The following LINGO2 variants were observed in gnomAD, a reference collection of about 807,000 sequenced individuals.
LINGO2 encodes leucine rich repeat and Ig domain containing 2.
Under a neutral mutation model 30.6 loss-of-function variants are expected in LINGO2, and 14 were observed. The observed-to-expected ratio is 0.46, with a 90% CI of 0.30 to 0.72. LINGO2 has a LOEUF of 0.72. LINGO2 is among the 30% of genes least tolerant of loss of function. The pLI, the probability that LINGO2 is intolerant of heterozygous loss-of-function variation, is 0.07. For missense variants in LINGO2, 729 were observed against 751.7 expected (o/e 0.97, Z 0.35); for synonymous variants, 317 against 288.5 (o/e 1.10, Z -1.00).
chr9:29,177,533 G>A, the LINGO2 span, among the ~76,000 whole-genome samples: 1 of 151,878 alleles, frequency 6.6e-6, no homozygotes, highest in East Asian at 1.9e-4. Flanking sequence ...ACAATCTTCA[G>A]GAACCCAGAA....
At chr9:28,162,096 A>C (rs1828303286) in intron 4 of LINGO2, among the ~76,000 whole-genome samples, 1 of 152,142 alleles carries the variant, frequency 6.6e-6, no homozygotes, top group Non-Finnish European at 1.5e-5. Flanking sequence ...TTTCCATGAT[A>C]TATCCATATA....
the LINGO2 span, among the ~76,000 whole-genome samples, chr9:28,954,020 T>C: frequency 4.2e-4 from 64 of 152,252 alleles, no homozygotes; most frequent in Admixed American, 3.6e-3. Flanking sequence ...GCTAATCTTA[T>C]CCGAATAATT....
At chr9:28,738,500 A>G in the LINGO2 span, among the ~76,000 whole-genome samples, 1 of 152,120 alleles carries the variant, frequency 6.6e-6, no homozygotes, top group Non-Finnish European at 1.5e-5. Flanking sequence ...TGATGCTTTC[A>G]AGCATTCAGA....
chr9:29,195,257 C>A, the LINGO2 span, among the ~76,000 whole-genome samples: 1 of 152,022 alleles, frequency 6.6e-6, no homozygotes, highest in Non-Finnish European at 1.5e-5. Context: ...GTCTGTTTAA[C>A]CAGTCACCTA....
At chr9:29,171,711 A>G in the LINGO2 span, among the ~76,000 whole-genome samples, 1 of 151,952 alleles carries the variant, frequency 6.6e-6, no homozygotes, top group East Asian at 1.9e-4. Flanking sequence ...GCGGAAAAAT[A>G]TTCCACATAT....
chr9:28,677,822 C>G, the LINGO2 span, among the ~76,000 whole-genome samples: 1 of 152,008 alleles, frequency 6.6e-6, no homozygotes, highest in Non-Finnish European at 1.5e-5. Flanking sequence ...GATAGTAATT[C>G]TAATGGTAGG....
chr9:28,027,745 C>T (rs182276783), intron 4 of LINGO2, among the ~76,000 whole-genome samples: 79 of 152,298 alleles, frequency 5.2e-4, no homozygotes, highest in African/African-American at 1.6e-3. Context: ...TGAAACACGT[C>T]ATGTCTGCTT....
At chr9:28,660,499 A>C (rs1828545151) in intron 1 of LINGO2, among the ~76,000 whole-genome samples, 1 of 152,146 alleles carries the variant, frequency 6.6e-6, no homozygotes, top group African/African-American at 2.4e-5. Flanking sequence ...TGGTTCCATT[A>C]ATGTACATTT....
chr9:28,429,329 G>T (rs560808248), intron 2 of LINGO2, among the ~76,000 whole-genome samples: 80 of 152,246 alleles, frequency 5.3e-4, no homozygotes, highest in Middle Eastern at 6.8e-3. Flanking sequence ...TAAAAAAATA[G>T]TGATAGGGTA....
the LINGO2 span, among the ~76,000 whole-genome samples, chr9:29,194,836 C>A: frequency 2.5e-4 from 38 of 152,126 alleles, no homozygotes; most frequent in Non-Finnish European, 5.3e-4. Flanking sequence ...AGGATATTGA[C>A]ATTGAAAAAA....
At chr9:29,071,153 A>ATTATT in the LINGO2 span, among the ~76,000 whole-genome samples, 1 of 91,556 alleles carries the variant, frequency 1.1e-5, no homozygotes, top group Non-Finnish European at 2.2e-5. Flanking sequence ...ATCACAGAGA[A>ATTATT]TTATTGTATT....
the LINGO2 span, among the ~76,000 whole-genome samples, chr9:28,855,244 ACAG>A: frequency 6.6e-6 from 1 of 152,010 alleles, no homozygotes; most frequent in African/African-American, 2.4e-5. Context: ...ATAATTGCAA[ACAG>A]CAGCAATGCA....
intron 4 of LINGO2, among the ~76,000 whole-genome samples, chr9:28,224,923 T>C (rs1172745861): frequency 6.6e-6 from 1 of 151,992 alleles, no homozygotes; most frequent in African/African-American, 2.4e-5. Context: ...AACAGACACA[T>C]AGACCAATGG....
chr9:28,436,224 T>C (rs1267438878), intron 2 of LINGO2, among the ~76,000 whole-genome samples: 1 of 152,118 alleles, frequency 6.6e-6, no homozygotes, highest in African/African-American at 2.4e-5. Context: ...TTACTCTTTA[T>C]ATAATAAAAA....
the LINGO2 span, among the ~76,000 whole-genome samples, chr9:29,202,874 T>C: frequency 6.6e-6 from 1 of 152,080 alleles, no homozygotes; most frequent in Non-Finnish European, 1.5e-5. Flanking sequence ...CCACTTCTTT[T>C]TAGCAGTCAA....
chr9:29,091,114 T>C, the LINGO2 span, among the ~76,000 whole-genome samples: 19 of 152,084 alleles, frequency 1.2e-4, no homozygotes, highest in African/African-American at 4.6e-4. Context: ...ATTCATGATA[T>C]TGGTTGAAAT....
chr9:29,050,034 T>C, the LINGO2 span, among the ~76,000 whole-genome samples: 2 of 69,304 alleles, frequency 2.9e-5, no homozygotes, highest in South Asian at 8.7e-4. Context: ...GCTTATTACA[T>C]TTTTTTTTTT....
chr9:28,914,755 G>C, the LINGO2 span, among the ~76,000 whole-genome samples: 18 of 152,172 alleles, frequency 1.2e-4, no homozygotes, highest in Non-Finnish European at 2.4e-4. Context: ...AATCCCTCCT[G>C]TATGACAAGG....
chr9:28,157,428 C>G (rs1186285132), intron 4 of LINGO2, among the ~76,000 whole-genome samples: 1 of 152,158 alleles, frequency 6.6e-6, no homozygotes, highest in Non-Finnish European at 1.5e-5. Context: ...GCCTGGCCCA[C>G]AAAACCACTT....
Sources: allele counts gnomAD v4.1 joint callset (sites outside exome capture counted in the v4.1 genomes callset), GRCh38; gene constraint gnomAD v4.1.1; transcripts MANE v1.5; gene names NCBI Gene and HGNC (gene_info 2026-07-23, HGNC 2026-07-21).